Variants in R3HDM1 observed in about 807,000 individuals in gnomAD.
R3HDM1 encodes R3H domain-containing protein 1.
R3HDM1 carries 46 observed loss-of-function variants against 141.1 expected under a neutral mutation model. The observed-to-expected ratio is 0.33, with a 90% CI of 0.26 to 0.42. The LOEUF (loss-of-function observed/expected upper bound fraction) is 0.42, where lower values mean the gene tolerates loss of function less well. Among genes scored for constraint, R3HDM1 ranks in the 10% least tolerant of loss-of-function variants. The probability of loss-of-function intolerance (pLI) is 1.00; values close to 1 mark genes in which losing one functional copy is unlikely to be tolerated. For synonymous variants in R3HDM1, 435 were observed against 472.9 expected (o/e 0.92, Z 1.04); for missense variants, 1,184 against 1,368.3 (o/e 0.87, Z 2.12).
intron 21 of R3HDM1, among the ~76,000 whole-genome samples, chr2:135,692,966 G>A (rs1433755296): frequency 6.6e-6 from 1 of 151,956 alleles, no homozygotes; most frequent in African/African-American, 2.4e-5. Context: ...CTGTTATTTG[G>A]GTATCATTTA....
intron 9 of R3HDM1, among the ~76,000 whole-genome samples, chr2:135,632,404 A>C (rs900807955): frequency 1.3e-5 from 2 of 151,834 alleles, no homozygotes; most frequent in East Asian, 3.9e-4. Flanking sequence ...ATCTTCTGTC[A>C]GTTTACCGTT....
At chr2:135,623,439 G>T (rs1345624089) in intron 7 of R3HDM1, among the ~76,000 whole-genome samples, 1 of 152,170 alleles carries the variant, frequency 6.6e-6, no homozygotes, top group Non-Finnish European at 1.5e-5. Flanking sequence ...GCACACGGAA[G>T]ATAAGAGAGT....
chr2:135,645,448 G>T lies in R3HDM1; in HGVS notation c.1544G>T (p.Arg515Ile). Reference sequence around the variant, plus strand: ...CCTCCTATGACTCAACAACCAGTTAGATCCCAAGTGCCTGGACCTCCACAG... The same window carrying T: ...CCTCCTATGACTCAACAACCAGTTATATCCCAAGTGCCTGGACCTCCACAG... ...YNPPMTQQPV[R>I]SQVPGPPQPP... is the part of the protein sequence containing the mutation. Residue 515 changes from arginine (R) to isoleucine (I), a missense_variant, in exon 16 of 27, where the codon AGA becomes ATA. Around this residue, in one of 5 missense-constraint regions of R3HDM1, gnomAD observed 563 missense variants for 562.0 expected, o/e 1.00. Transcript: ENST00000683871. 1 of 1,613,542 alleles carries T rather than the reference G, an allele frequency of 6.2e-7. No homozygotes were observed. Among genetic ancestry groups the T allele is most frequent in the Non-Finnish European group, 8.5e-7 (1 of 1,179,546 alleles).
intron 21 of R3HDM1, among the ~76,000 whole-genome samples, chr2:135,696,933 G>A (rs2073332635): frequency 6.6e-6 from 1 of 152,184 alleles, no homozygotes; most frequent in Non-Finnish European, 1.5e-5. Context: ...AATAAAGGTA[G>A]ACTTGAACTA....
intron 1 of R3HDM1, among the ~76,000 whole-genome samples, chr2:135,569,198 A>G (rs1021527680): frequency 2.6e-5 from 4 of 152,196 alleles, no homozygotes; most frequent in Admixed American, 6.5e-5. Context: ...TAATTTCGCA[A>G]TTACTGCCAG....
At chr2:135,535,659 A>G (rs1445093982) in intron 1 of R3HDM1, among the ~76,000 whole-genome samples, 1 of 152,192 alleles carries the variant, frequency 6.6e-6, no homozygotes, top group African/African-American at 2.4e-5. Context: ...AATGTTTAGT[A>G]ATACGGACAT....
chr2:135,719,383 CAAGAGAATCGCTTG>C (rs2076483461), intron 24 of R3HDM1, among the ~76,000 whole-genome samples: 1 of 151,088 alleles, frequency 6.6e-6, no homozygotes, highest in South Asian at 2.1e-4. Flanking sequence ...GAAGCTGAGG[CAAGAGAATCGCTTG>C]AACCTGGGAG....
chr2:135,538,951 T>C lies in R3HDM1; in HGVS notation c.-250+7318T>C, dbSNP rs553177338. Among the ~76,000 whole-genome samples, 7 of 152,250 alleles carry C rather than the reference T, an allele frequency of 4.6e-5. No individual in the cohort carries two copies. In the East Asian group the frequency reaches 1.4e-3, roughly 29 times the overall value. On this transcript the variant is annotated intron_variant, in intron 1 of 26. Transcript: ENST00000683871. ...TTGTTGTTGTTGTTGTTGTTGTTTT[T>C]CCTTTAAAATTTTTTGTTAAAAACC...
rs1256462191 is a variant in R3HDM1 at position 135,661,408 on chromosome 2, T to C, written c.2152+15T>C. ...GCAGCAGACAGGTGAGTTGTGTTTC[T>C]TATGTCATAACTTCTGAGCCACACT... On this transcript the variant is annotated intron_variant, in intron 19 of 26. Coordinates refer to ENST00000683871, the MANE Select transcript of R3HDM1 (RefSeq NM_001378107.1). The C allele has an allele frequency of 6.2e-7, 1 of 1,613,254 alleles. No homozygotes were observed. The highest frequency in any genetic ancestry group is 1.1e-5 in the South Asian group (1 of 91,008).
chr2:135,553,075 G>GC (rs2104934010), intron 1 of R3HDM1, among the ~76,000 whole-genome samples: 1 of 152,170 alleles, frequency 6.6e-6, no homozygotes, highest in South Asian at 2.1e-4. Flanking sequence ...TCACTGTGTT[G>GC]CCCAGGGTGG....
intron 1 of R3HDM1, among the ~76,000 whole-genome samples, chr2:135,542,924 A>G (rs567769086): frequency 1.5e-4 from 23 of 152,210 alleles, no homozygotes; most frequent in African/African-American, 5.3e-4. Context: ...TCTAGTAGAG[A>G]TGGGGTTTCA....
At chr2:135,553,698 T>G (rs1700219019) in intron 1 of R3HDM1, among the ~76,000 whole-genome samples, 1 of 152,170 alleles carries the variant, frequency 6.6e-6, no homozygotes, top group Non-Finnish European at 1.5e-5. Flanking sequence ...GTTTGTTTGT[T>G]TGTTTGTTTT....
intron 2 of R3HDM1, 135 bp from the exon 3 acceptor site, chr2:135,604,671 A>G (rs2059902734): frequency 1.3e-5 from 8 of 606,990 alleles, no homozygotes; most frequent in South Asian, 9.6e-5. Flanking sequence ...ACAAAATTAT[A>G]TACTCCTTGA....
At chr2:135,666,911 G>A (rs2067588693) in intron 19 of R3HDM1, among the ~76,000 whole-genome samples, 1 of 129,290 alleles carries the variant, frequency 7.7e-6, no homozygotes, top group African/African-American at 3.4e-5. Context: ...TTAGTAAAAT[G>A]GCTCATCTTT....
chr2:135,581,174 T>C (rs1706722030), intron 1 of R3HDM1: 1 of 984,852 alleles, frequency 1.0e-6, no homozygotes, highest in African/African-American at 1.7e-5. Flanking sequence ...AAGCAGGAAC[T>C]AATAATGGTT....
chr2:135,582,205 CTG>C (rs1271799773), intron 1 of R3HDM1, among the ~76,000 whole-genome samples: 1 of 152,152 alleles, frequency 6.6e-6, no homozygotes, highest in Non-Finnish European at 1.5e-5. Flanking sequence ...TGGCGCACAC[CTG>C]TAATCCCAGC....
At position 135,636,069 on chromosome 2, in the gene R3HDM1, A is replaced by T. The variant is rs753760594; in HGVS notation, c.808-19A>T. On this transcript the variant is annotated intron_variant, in intron 10 of 26. Coordinates refer to ENST00000683871, the MANE Select transcript of R3HDM1 (RefSeq NM_001378107.1). ...ATACCAGTAGTTCATTTGCCTAAAAATTATCCTCTTTTCTGTAGATGAGAA... is the reference window on the plus strand; with the variant it reads ...ATACCAGTAGTTCATTTGCCTAAAATTTATCCTCTTTTCTGTAGATGAGAA... The T allele has an allele frequency of 1.2e-6, 2 of 1,611,310 alleles. No individual in the cohort carries two copies. Among genetic ancestry groups the T allele is most frequent in the South Asian group, 2.2e-5 (2 of 90,646 alleles).
intron 18 of R3HDM1, among the ~76,000 whole-genome samples, chr2:135,652,999 C>T (rs1258842514): frequency 6.7e-6 from 1 of 150,148 alleles, no homozygotes; most frequent in African/African-American, 2.5e-5. Flanking sequence ...TTTGCTCTCT[C>T]TTTTTTGTTT....
At chr2:135,661,797 A>G (rs1208305975) in intron 19 of R3HDM1, among the ~76,000 whole-genome samples, 2 of 152,188 alleles carry the variant, frequency 1.3e-5, no homozygotes, top group Non-Finnish European at 2.9e-5. Flanking sequence ...TGGATTGAGA[A>G]CCCTAGTCTA....
Sources: allele counts gnomAD v4.1 joint callset (sites outside exome capture counted in the v4.1 genomes callset), GRCh38; gene constraint gnomAD v4.1.1; regional missense constraint gnomAD v4.1.1; transcripts MANE v1.5; gene names NCBI Gene and HGNC (gene_info 2026-07-23, HGNC 2026-07-21).